DNMT3L: variants seen among roughly 807,000 people sequenced by gnomAD.
DNMT3L encodes DNA (cytosine-5)-methyltransferase 3-like.
Under a neutral mutation model 36.2 loss-of-function variants are expected in DNMT3L, and 33 were observed. The observed-to-expected ratio is 0.91, with a 90% CI of 0.69 to 1.22. The LOEUF is 1.22. DNMT3L is among the 50% of genes most tolerant of loss of function. DNMT3L has a pLI of 0.00. For synonymous variants in DNMT3L, 117 were observed against 121.7 expected (o/e 0.96, Z 0.26); for missense variants, 310 against 303.1 (o/e 1.02, Z -0.17).
chr21:44,254,797 C>A, intron 7 of DNMT3L, 92 bp from the exon 8 acceptor site: 1 of 1,274,828 alleles, frequency 7.8e-7, no homozygotes, highest in East Asian at 2.4e-5. Flanking sequence ...TCAGAGGACC[C>A]TCCTACCATT....
In DNMT3L at chr21:44,258,566, C is replaced by T. The variant is rs146821319; in HGVS notation, c.473G>A (p.Arg158Lys). 4.9e-5 allele frequency: 79 copies of T among 1,602,980 alleles called. No homozygotes were observed. The African/African-American group carries it at 8.7e-4, about 18-fold the overall frequency. ...GGCCTTGAGCTGGCTGCGCCACTTC[C>T]TCCGACGCTGCAGCAGCCCGCTTCG... ...SSRSGLLQRR[R>K]KWRSQLKAFY... Residue 158 changes from arginine to lysine, a missense_variant, in exon 6 of 12, where the codon AGG (arginine) becomes AAG (lysine). Transcript: ENST00000628202. The surrounding 1 kb of genome is among the most constrained non-coding windows in gnomAD (Gnocchi z 6.2).
At position 44,258,526 on chromosome 21, in the gene DNMT3L, C is replaced by A. The variant is rs757346119; in HGVS notation, c.513G>T (p.Glu171Asp). The A allele has an allele frequency of 6.4e-7, 1 of 1,565,382 alleles. No homozygotes were observed. The change falls in exon 6 of 12, where the codon GAG (glutamate) becomes GAT (aspartate). Residue 171 changes from glutamate (E) to aspartate (D), a missense_variant. Coordinates refer to ENST00000628202, the MANE Select transcript of DNMT3L (RefSeq NM_175867.3). This position sits in a 1 kb window ranked among gnomAD's most constrained non-coding sequence, Gnocchi z 6.2. ...TGCCCCTCCACGGGCTCCTTACCGACTCTCGGTCGTAGAAGGCCTTGAGCT... is the reference window on the plus strand; with the variant it reads ...TGCCCCTCCACGGGCTCCTTACCGAATCTCGGTCGTAGAAGGCCTTGAGCT... Reference protein sequence around the residue: ...RSQLKAFYDRESENPLEMFET... With the variant: ...RSQLKAFYDRDSENPLEMFET...
intron 5 of DNMT3L, among the ~76,000 whole-genome samples, chr21:44,259,195 T>A (rs890167305): frequency 3.3e-5 from 5 of 151,756 alleles, no homozygotes; most frequent in Non-Finnish European, 7.4e-5. Context: ...TTTCCATCGC[T>A]CCCCTGCACA....
At chr21:44,255,972 G>A in intron 7 of DNMT3L, 95 bp downstream of exon 7, 1 of 1,309,902 alleles carries the variant, frequency 7.6e-7, no homozygotes, top group Non-Finnish European at 1.1e-6. Context: ...GCCGGTCTAG[G>A]GGAGGGGGTG....
intron 8 of DNMT3L, among the ~76,000 whole-genome samples, chr21:44,253,905 G>A (rs2040237928): frequency 6.6e-6 from 1 of 152,202 alleles, no homozygotes; most frequent in South Asian, 2.1e-4. Context: ...CTTCCACGAT[G>A]TAGCAAGTGG....
At chr21:44,259,794 AAT>A in intron 3 of DNMT3L, 83 bp from the exon 4 acceptor site, 1 of 1,411,974 alleles carries the variant, frequency 7.1e-7, no homozygotes, top group Non-Finnish European at 9.8e-7. Context: ...TAGCCAAACA[AAT>A]ATGAGACTTA....
At chr21:44,260,317 T>C (rs1451144000) in intron 3 of DNMT3L, among the ~76,000 whole-genome samples, 1 of 152,208 alleles carries the variant, frequency 6.6e-6, no homozygotes, top group Non-Finnish European at 1.5e-5. Flanking sequence ...GGTTTTCTTT[T>C]CAGGGTGATG....
chr21:44,260,182 C>A (rs1045258208), intron 3 of DNMT3L, among the ~76,000 whole-genome samples: 2 of 151,836 alleles, frequency 1.3e-5, no homozygotes, highest in African/African-American at 4.8e-5. Flanking sequence ...ATCCTAAATT[C>A]ATACGGAAAT....
At position 44,258,506 on chromosome 21, in the gene DNMT3L, CT is replaced by C; in HGVS notation, c.516+16del. On this transcript the variant is annotated intron_variant, in intron 6 of 11. Coordinates refer to ENST00000628202, the MANE Select transcript of DNMT3L (RefSeq NM_175867.3). The surrounding 1 kb of genome is among the most constrained non-coding windows in gnomAD (Gnocchi z 6.2). The stretch of plus-strand genomic sequence containing the variant: ...GGCCTGCTGCTGCCGGGTGCTGCCC[CT>C]CCACGGGCTCCTTACCGACTCTCGG... 1 of 1,537,984 alleles carries C rather than the reference CT, an allele frequency of 6.5e-7. No homozygotes were observed. Among genetic ancestry groups the C allele is most frequent in the Non-Finnish European group, 8.8e-7 (1 of 1,137,840 alleles).
intron 2 of DNMT3L, 129 bp downstream of exon 2, chr21:44,261,025 G>C (rs1441399778): frequency 7.2e-7 from 1 of 1,380,524 alleles, no homozygotes; most frequent in East Asian, 2.3e-5. Context: ...CTGTGGGTGG[G>C]GAACCTCCTG....
At chr21:44,257,541 C>A (rs911542973) in intron 6 of DNMT3L, among the ~76,000 whole-genome samples, 1 of 150,680 alleles carries the variant, frequency 6.6e-6, no homozygotes, top group South Asian at 2.1e-4. Flanking sequence ...ATTAGCCGGG[C>A]GTAGTGGCGG....
Position 44,258,358 on chromosome 21 carries a change from T to C in DNMT3L, c.516+165A>G, listed in dbSNP as rs1394406566. Among the ~76,000 whole-genome samples the C allele has an allele frequency of 6.6e-6, 1 of 152,250 alleles. No homozygotes were observed. The highest frequency in any genetic ancestry group is 2.4e-5 in the African/African-American group (1 of 41,482). The stretch of plus-strand genomic sequence containing the variant: ...CAAAGCAGTTTACCCAAAGCCACCA[T>C]CGAGTGGAAGCCACTATCGGAGAGG... On this transcript the variant is annotated intron_variant, in intron 6 of 11. Transcript: ENST00000628202. This position sits in a 1 kb window ranked among gnomAD's most constrained non-coding sequence, Gnocchi z 6.2.
chr21:44,261,256 C>T lies in DNMT3L; in HGVS notation c.4G>A (p.Ala2Thr), dbSNP rs2040316345. ...TCTGGGTCCAGGGCTGGGATGGCCG[C>T]CATGGGGATGCTGTGTCAGGACACA... M[A>T]AIPALDPEAE... Residue 2 changes from alanine (A) to threonine (T), a missense_variant, in exon 2 of 12, where the codon GCG (alanine) becomes ACG (threonine). By Grantham distance (58) the Ala-to-Thr change is moderately conservative. Transcript: ENST00000628202. 6.2e-7 allele frequency: 1 copy of T among 1,612,322 alleles called. No homozygotes were observed. The highest frequency in any genetic ancestry group is 8.5e-7 in the Non-Finnish European group (1 of 1,179,862).
chr21:44,261,229 C>T lies in DNMT3L; in HGVS notation c.31G>A (p.Ala11Thr), dbSNP rs1355742076. Reference sequence around the variant, plus strand: ...AAAATCACGTCCATGCTGGGCTCGGCCTCTGGGTCCAGGGCTGGGATGGCC... The same window carrying T: ...AAAATCACGTCCATGCTGGGCTCGGTCTCTGGGTCCAGGGCTGGGATGGCC... The part of the protein sequence containing the change: MAAIPALDPE[A>T]EPSMDVILVG... Residue 11 changes from alanine (A) to threonine (T), a missense_variant, in exon 2 of 12, where the codon GCC becomes ACC. By Grantham distance (58) the Ala-to-Thr change is moderately conservative. Transcript: ENST00000628202. 6.2e-7 allele frequency: 1 copy of T among 1,612,532 alleles called. No individual in the cohort carries two copies. Among genetic ancestry groups the T allele is most frequent in the African/African-American group, 1.3e-5 (1 of 74,928 alleles).
Position 44,254,817 on chromosome 21 carries a change from A to G in DNMT3L, c.605-112T>C, listed in dbSNP as rs2040244888. ...GGACCCTCCTACCATTAAGGAGCCA[A>G]CTGTATATTTTTGTTGTTGTTGTTT... is the stretch of plus-strand genomic sequence containing the variant. On this transcript the variant is annotated intron_variant, in intron 7 of 11. Transcript: ENST00000628202. 2.9e-5 allele frequency: 31 copies of G among 1,055,238 alleles called. 1 individual carries two copies. Among genetic ancestry groups the G allele is most frequent in the South Asian group, 2.6e-4 (17 of 64,298 alleles). 65.4% of individuals were successfully genotyped at this position (1,055,238 alleles called of 1,614,324 possible). A position where few individuals can be genotyped will look rare whatever the true frequency, so the allele number is the denominator to read the frequency against.
chr21:44,259,921 A>G (rs2040301451), intron 3 of DNMT3L, among the ~76,000 whole-genome samples: 1 of 152,108 alleles, frequency 6.6e-6, no homozygotes, highest in African/African-American at 2.4e-5. Flanking sequence ...GTGGTGGCTC[A>G]TGCCTGTAAT....
chr21:44,254,528 C>G (rs1268343379), intron 8 of DNMT3L, 89 bp downstream of exon 8: 28 of 1,469,276 alleles, frequency 1.9e-5, no homozygotes, highest in Non-Finnish European at 2.5e-5. Context: ...GCTGCCGCCT[C>G]CTTGCCCGCC....
chr21:44,254,354 G>T (rs1210643564), intron 8 of DNMT3L, among the ~76,000 whole-genome samples: 3 of 152,204 alleles, frequency 2.0e-5, no homozygotes, highest in Admixed American at 2.0e-4. Context: ...TGGGCTCTGG[G>T]CTCTGGGCAA....
chr21:44,259,046 G>T (rs1313103429), intron 5 of DNMT3L, among the ~76,000 whole-genome samples: 2 of 152,082 alleles, frequency 1.3e-5, no homozygotes, highest in Admixed American at 6.5e-5. Flanking sequence ...CTTGAGGAGT[G>T]GGGAGCTGTA....
Sources: gnomAD v4.1 joint callset for allele counts (sites outside exome capture counted in the v4.1 genomes callset) on GRCh38, gnomAD v4.1.1 for gene constraint, Gnocchi (gnomAD v3.1) non-coding constraint, MANE v1.5 for transcripts, NCBI Gene and HGNC (gene_info 2026-07-23, HGNC 2026-07-21) for gene names.